ZNF236: variants seen among roughly 807,000 people sequenced by gnomAD.
The protein encoded by ZNF236 is regulated by glucose.
ZNF236 carries 50 observed loss-of-function variants against 191.2 expected under a neutral mutation model. The ratio of observed to expected loss-of-function variants is 0.26; its 90% CI spans 0.21 to 0.33. The LOEUF (loss-of-function observed/expected upper bound fraction) is 0.33, where lower values mean the gene tolerates loss of function less well. Among genes scored for constraint, ZNF236 ranks in the 10% least tolerant of loss-of-function variants. The pLI is 1.00. For synonymous variants in ZNF236, 907 were observed against 928.8 expected, an observed-to-expected ratio of 0.98 and a Z score of 0.43; for missense variants, 1,754 against 2,374.5, an observed-to-expected ratio of 0.74 and a Z score of 5.43.
chr18:76,961,735 T>C (rs199843078), intron 30 of ZNF236, among the ~76,000 whole-genome samples: 15,211 of 152,162 alleles, frequency 0.1, 797 homozygotes, highest in African/African-American at 0.14. Context: ...ACTATTTTTT[T>C]TTTTATTTTT....
chr18:76,923,376 T>A (rs1486335065), intron 21 of ZNF236, among the ~76,000 whole-genome samples: 1 of 152,132 alleles, frequency 6.6e-6, no homozygotes, highest in Non-Finnish European at 1.5e-5. Flanking sequence ...AAAAAAAGGA[T>A]TAGGTCTCAA....
chr18:76,890,924 CAA>C (rs139213143), intron 9 of ZNF236, among the ~76,000 whole-genome samples: 2,405 of 152,166 alleles, frequency 0.016, 29 homozygotes, highest in Middle Eastern at 0.02. Flanking sequence ...AACATGTAGA[CAA>C]AGAGAGGAAA....
At chr18:76,824,315 C>G (rs772058242) in intron 1 of ZNF236, 1 of 781,118 alleles carries the variant, frequency 1.3e-6, no homozygotes. Context: ...ATTACGGAAA[C>G]GTTGGTGACC....
chr18:76,968,571 A>G lies in ZNF236; in HGVS notation c.*232A>G, dbSNP rs1457219361. 4 of 1,287,834 alleles carry G rather than the reference A, an allele frequency of 3.1e-6. No individual in the cohort carries two copies. Among genetic ancestry groups the G allele is most frequent in the Middle Eastern group, 3.0e-4 (1 of 3,384 alleles). 79.8% of individuals were successfully genotyped at this position (1,287,834 alleles called of 1,614,324 possible). A position where few individuals can be genotyped will look rare whatever the true frequency, so the allele number is the denominator to read the frequency against. On this transcript the variant is annotated 3_prime_UTR_variant, in exon 31 of 31. Transcript: ENST00000320610. ...CTACAAATCACTGAACTCAGGTACT[A>G]CTGTAGGCAGTTTCCTCCTCAGTCT...
At position 76,925,659 on chromosome 18, in the gene ZNF236, CGTTT is replaced by C; in HGVS notation, c.4027+106_4027+109del. On this transcript the variant is annotated intron_variant, in intron 22 of 30. Coordinates refer to ENST00000320610, the MANE Select transcript of ZNF236 (RefSeq NM_001306089.2). This position sits in a 1 kb window ranked among gnomAD's most constrained non-coding sequence, Gnocchi z 5.7. ...AGAGATGTTGTTTACCGTAGCACCA[CGTTT>C]CCCTTCTTTGAGCCTTTTCCTTATA... The C allele has an allele frequency of 7.0e-7, 1 of 1,424,426 alleles. No homozygotes were observed. The highest frequency in any genetic ancestry group is 1.5e-5 in the South Asian group (1 of 68,490). 88.2% of individuals were successfully genotyped at this position (1,424,426 alleles called of 1,614,324 possible). A position where few individuals can be genotyped will look rare whatever the true frequency, so the allele number is the denominator to read the frequency against.
chr18:76,884,484 T>A (rs1291121425), intron 9 of ZNF236, among the ~76,000 whole-genome samples: 1 of 152,186 alleles, frequency 6.6e-6, no homozygotes, highest in Non-Finnish European at 1.5e-5. Flanking sequence ...AAGCTGATGA[T>A]TGACTCCTTT....
chr18:76,954,516 A>T (rs536573274), intron 27 of ZNF236, among the ~76,000 whole-genome samples: 1 of 152,196 alleles, frequency 6.6e-6, no homozygotes, highest in Non-Finnish European at 1.5e-5. Context: ...TTTGACTCAC[A>T]TGGAATATAT....
Position 76,927,545 on chromosome 18 carries a change from T to G in ZNF236, c.4414+28T>G. On this transcript the variant is annotated intron_variant, in intron 24 of 30. Transcript: ENST00000320610. The surrounding 1 kb of genome is among the most constrained non-coding windows in gnomAD (Gnocchi z 5.4). ...AAGAGCCACTCACTTTTGCTTATTT[T>G]GACAGCTGGAGTTTCAGTTTCTTGC... 1.3e-6 allele frequency: 2 copies of G among 1,591,748 alleles called. No homozygotes were observed. The highest frequency in any genetic ancestry group is 2.3e-5 in the South Asian group (2 of 88,336).
chr18:76,840,369 C>G (rs1426312331), intron 1 of ZNF236, among the ~76,000 whole-genome samples: 1 of 152,114 alleles, frequency 6.6e-6, no homozygotes, highest in Admixed American at 6.5e-5. Context: ...TGGCACATGC[C>G]TGTAATCTCA....
Position 76,895,254 on chromosome 18 carries a change from C to A in ZNF236, c.1659C>A (p.Gly553=), listed in dbSNP as rs201648492. ...GCATGAAGAGCTTCTCCACCTCTGG[C>A]AGCCTCAAGGTGCACATTCGCCTGC... ...QYCMKSFSTS[G]SLKVHIRLHT... is the part of the protein sequence containing the mutation. Residue 553 remains glycine (G), a synonymous_variant, in exon 10 of 31, where the codon GGC becomes GGA. Coordinates refer to ENST00000320610, the MANE Select transcript of ZNF236 (RefSeq NM_001306089.2). 2.5e-6 allele frequency: 4 copies of A among 1,599,730 alleles called. No homozygotes were observed. The highest frequency in any genetic ancestry group is 3.4e-6 in the Non-Finnish European group (4 of 1,179,914).
Position 76,835,883 on chromosome 18 carries a change from C to T in ZNF236, c.55+13221C>T, listed in dbSNP as rs1461803560. Among the ~76,000 whole-genome samples, 4 of 152,102 alleles carry T rather than the reference C, an allele frequency of 2.6e-5. No individual in the cohort carries two copies. In the South Asian group the frequency reaches 6.2e-4, roughly 24 times the overall value. On this transcript the variant is annotated intron_variant, in intron 1 of 30. Transcript: ENST00000320610. ...AAGCATTTTTAAATGTCATTTATAC[C>T]TCTCCATCCATTAGCCTGCTATTTA...
Position 76,947,821 on chromosome 18 carries a change from G to A in ZNF236, c.4914+169G>A, listed in dbSNP as rs558772131. 2.6e-5 allele frequency among the ~76,000 whole-genome samples: 4 copies of A among 152,254 alleles called. No individual in the cohort carries two copies. In the South Asian group the frequency reaches 6.2e-4, roughly 24 times the overall value. On this transcript the variant is annotated intron_variant, in intron 27 of 30. Transcript: ENST00000320610. ...GAGTGGACATAGGCCCTGCGGGGGC[G>A]TGTGTTGAATGACAGGTACGATATC...
chr18:76,915,563 C>G, intron 18 of ZNF236, 84 bp from the exon 19 acceptor site: 1 of 1,246,928 alleles, frequency 8.0e-7, no homozygotes, highest in South Asian at 1.3e-5. Flanking sequence ...TTAAACATAT[C>G]TTTGTTTGGT....
In ZNF236 at chr18:76,877,566, A is replaced by G. The variant is rs919674326; in HGVS notation, c.841-443A>G. ...ATATCAAAATTGATGAAAAGTTCATATATCATTATGACCATCTTTCCTAAC... is the reference window on the plus strand; with the variant it reads ...ATATCAAAATTGATGAAAAGTTCATGTATCATTATGACCATCTTTCCTAAC... On this transcript the variant is annotated intron_variant, in intron 6 of 30. Coordinates refer to ENST00000320610, the MANE Select transcript of ZNF236 (RefSeq NM_001306089.2). Among the ~76,000 whole-genome samples the G allele has an allele frequency of 3.3e-5, 5 of 152,298 alleles. No homozygotes were observed. The East Asian group carries it at 7.7e-4, about 24-fold the overall frequency.
rs527703764 is a variant in ZNF236 at position 76,935,719 on chromosome 18, C to T, written c.4595-1437C>T. ...TGGTTTTGACCACTCATGTTAAAAA[C>T]GTACCCGCAGGCTAGTGTGCGGTAA... On this transcript the variant is annotated intron_variant, in intron 25 of 30. Transcript: ENST00000320610. Among the ~76,000 whole-genome samples the T allele has an allele frequency of 4.6e-5, 7 of 152,314 alleles. No individual in the cohort carries two copies. The East Asian group carries it at 5.8e-4, about 13-fold the overall frequency.
chr18:76,835,760 T>A (rs550070872), intron 1 of ZNF236, among the ~76,000 whole-genome samples: 4 of 152,370 alleles, frequency 2.6e-5, no homozygotes, highest in African/African-American at 4.8e-5. Flanking sequence ...ATTGATATGC[T>A]GATTTTAAGT....
At position 76,908,490 on chromosome 18, in the gene ZNF236, A is replaced by G. The variant is rs755461915; in HGVS notation, c.2468A>G (p.Asp823Gly). ...VVAANPEAML[D>G]LEPQHVVGTE... Reference sequence around the variant, plus strand: ...GCAGCGAACCCCGAGGCCATGCTGGACCTGGAGCCTCAGCATGTGGTGGGC... The same window carrying G: ...GCAGCGAACCCCGAGGCCATGCTGGGCCTGGAGCCTCAGCATGTGGTGGGC... The change falls in exon 14 of 31, where the codon GAC (aspartate) becomes GGC (glycine). Residue 823 changes from aspartate (D) to glycine (G), a missense_variant. Asp to Gly is a moderately conservative substitution (Grantham distance 94). This residue lies in a region of ZNF236 where 641 missense variants were observed against 869.6 expected (regional missense o/e 0.74). Transcript: ENST00000320610. The G allele has an allele frequency of 6.2e-7, 1 of 1,614,098 alleles. No homozygotes were observed. Among genetic ancestry groups the G allele is most frequent in the Non-Finnish European group, 8.5e-7 (1 of 1,180,036 alleles).
At chr18:76,933,362 C>T (rs139303319) in intron 25 of ZNF236, among the ~76,000 whole-genome samples, 2,443 of 151,764 alleles carry the variant, frequency 0.016, 29 homozygotes, top group Middle Eastern at 0.02. Flanking sequence ...CCCAGCTACT[C>T]GGGAGGCTGA....
In ZNF236 at chr18:76,833,893, G is replaced by A. The variant is rs28895868; in HGVS notation, c.55+11231G>A. The stretch of plus-strand genomic sequence containing the variant: ...AAAAATAGACATGAGGTCTTGTCAT[G>A]TTGTCCAGGCTTGTCTTGAACTCCT... On this transcript the variant is annotated intron_variant, in intron 1 of 30. Coordinates refer to ENST00000320610, the MANE Select transcript of ZNF236 (RefSeq NM_001306089.2). Among the ~76,000 whole-genome samples, 836 of 152,210 alleles carry A rather than the reference G, an allele frequency of 5.5e-3. 7 individuals carry two copies. The highest frequency in any genetic ancestry group is 0.019 in the African/African-American group (773 of 41,554).
Sources: gnomAD v4.1 joint callset for allele counts (sites outside exome capture counted in the v4.1 genomes callset) on GRCh38, gnomAD v4.1.1 for gene constraint, gnomAD v4.1.1 regional missense constraint, Gnocchi (gnomAD v3.1) non-coding constraint, MANE v1.5 for transcripts, NCBI Gene and HGNC (gene_info 2026-07-23, HGNC 2026-07-21) for gene names.